GRIA2: variants seen among roughly 807,000 people sequenced by gnomAD.
GRIA2 encodes the protein glutamate receptor 2.
GRIA2 carries 14 observed loss-of-function variants against 97.3 expected under a neutral mutation model. The observed-to-expected ratio is 0.14, with a 90% CI of 0.10 to 0.23. The LOEUF is 0.23. Among genes scored for constraint, GRIA2 ranks in the 10% least tolerant of loss-of-function variants. GRIA2 has a pLI of 1.00. For synonymous variants in GRIA2, 412 were observed against 387.8 expected (o/e 1.06, Z -0.73); for missense variants, 558 against 1,069.8 (o/e 0.52, Z 6.67).
At chr4:157,283,073 A>AT (rs1732680343) in intron 2 of GRIA2, among the ~76,000 whole-genome samples, 1 of 152,052 alleles carries the variant, frequency 6.6e-6, no homozygotes, top group Non-Finnish European at 1.5e-5. Flanking sequence ...TCTAGATGAT[A>AT]TTTTTTCAAA....
intron 3 of GRIA2, 87 bp from the exon 4 acceptor site, chr4:157,312,592 T>A: frequency 1.4e-6 from 1 of 723,854 alleles, no homozygotes. Flanking sequence ...ATATCTTCCT[T>A]AAAAATATAT....
rs1259705494 is a variant in GRIA2, at chr4:157,331,893, T to G, written c.883-926T>G. Among the ~76,000 whole-genome samples, 3 of 152,046 alleles carry G rather than the reference T, an allele frequency of 2.0e-5. 1 individual carries two copies. The highest frequency in any genetic ancestry group is 6.6e-5 in the Admixed American group (1 of 15,240). The stretch of plus-strand genomic sequence containing the variant: ...ATGCTGAGTACCTGTTTTGGATTGG[T>G]GATCAAGAATTTAGCATGTCACAAA... On this transcript the variant is annotated intron_variant, in intron 6 of 15. Coordinates refer to ENST00000264426, the MANE Select transcript of GRIA2 (RefSeq NM_001083619.3).
intron 3 of GRIA2, among the ~76,000 whole-genome samples, chr4:157,309,450 C>T (rs1379139541): frequency 6.7e-6 from 1 of 149,796 alleles, no homozygotes; most frequent in African/African-American, 2.5e-5. Context: ...CTCCCAGCTT[C>T]AAGGAATTCT....
At chr4:157,308,164 A>G (rs1409338914) in intron 3 of GRIA2, among the ~76,000 whole-genome samples, 1 of 152,226 alleles carries the variant, frequency 6.6e-6, no homozygotes, top group African/African-American at 2.4e-5. Flanking sequence ...GGGTTTGCAT[A>G]CAGACAGGTG....
At chr4:157,312,335 T>C (rs2126884993) in intron 3 of GRIA2, among the ~76,000 whole-genome samples, 1 of 152,226 alleles carries the variant, frequency 6.6e-6, no homozygotes, top group South Asian at 2.1e-4. Flanking sequence ...TAAGAAATGT[T>C]TGTGATGCCA....
intron 4 of GRIA2, among the ~76,000 whole-genome samples, chr4:157,313,412 A>T (rs934188502): frequency 6.6e-6 from 1 of 152,144 alleles, no homozygotes; most frequent in African/African-American, 2.4e-5. Context: ...TAGGAAGGAC[A>T]CATTTGGGCT....
intron 2 of GRIA2, among the ~76,000 whole-genome samples, chr4:157,257,125 G>A (rs1731314205): frequency 6.6e-6 from 1 of 152,022 alleles, no homozygotes; most frequent in Admixed American, 6.6e-5. Flanking sequence ...ACAAGAAATT[G>A]TCAGATAAAA....
rs1736639283 is a variant in GRIA2, at chr4:157,361,717, A to G, written c.2406+593A>G. ...ACACAAACAGCAAAATCAAACCACA[A>G]GTGTGTTAGTGGGAATGACCCATCT... On this transcript the variant is annotated intron_variant, in intron 14 of 15. Transcript: ENST00000264426. This position sits in a 1 kb window ranked among gnomAD's most constrained non-coding sequence, Gnocchi z 5.2. 2 of 1,070,380 alleles carry G rather than the reference A, an allele frequency of 1.9e-6. No homozygotes were observed. The highest frequency in any genetic ancestry group is 4.8e-5 in the East Asian group (2 of 41,610). 66.3% of individuals were successfully genotyped at this position (1,070,380 alleles called of 1,614,324 possible).
chr4:157,229,855 C>G (rs1413079707), intron 2 of GRIA2, among the ~76,000 whole-genome samples: 8 of 152,070 alleles, frequency 5.3e-5, no homozygotes, highest in Admixed American at 1.3e-4. Flanking sequence ...TTATAGTCCT[C>G]TAATACTTTC....
intron 2 of GRIA2, among the ~76,000 whole-genome samples, chr4:157,298,763 T>G (rs1432998492): frequency 2.0e-5 from 3 of 151,962 alleles, no homozygotes; most frequent in Non-Finnish European, 2.9e-5. Context: ...CTCATCCTCT[T>G]TGTTGTGCAT....
intron 2 of GRIA2, among the ~76,000 whole-genome samples, chr4:157,251,869 T>C (rs980018598): frequency 1.4e-4 from 22 of 152,280 alleles, no homozygotes; most frequent in African/African-American, 5.1e-4. Flanking sequence ...AGTCTGGTAA[T>C]TCTCAAAGTG....
At chr4:157,334,382 A>G (rs1735193521) in intron 9 of GRIA2, 2 of 346,414 alleles carry the variant, frequency 5.8e-6, no homozygotes, top group African/African-American at 4.2e-5. Context: ...ACAATTGGGG[A>G]ATGTCTTGAA....
chr4:157,293,569 G>A (rs1356938407), intron 2 of GRIA2, among the ~76,000 whole-genome samples: 1 of 152,116 alleles, frequency 6.6e-6, no homozygotes, highest in African/African-American at 2.4e-5. Flanking sequence ...TTGCTTCTGG[G>A]AAGAATAGTA....
intron 2 of GRIA2, among the ~76,000 whole-genome samples, chr4:157,269,854 T>A (rs1022926709): frequency 6.6e-5 from 10 of 152,236 alleles, no homozygotes; most frequent in South Asian, 2.1e-4. Flanking sequence ...TTTAGGTATC[T>A]TTTTTACTAA....
At position 157,312,773 on chromosome 4, in the gene GRIA2, A is replaced by G. The variant is rs1734138820; in HGVS notation, c.564A>G (p.Lys188=). 4 of 1,610,086 alleles carry G rather than the reference A, an allele frequency of 2.5e-6. No homozygotes were observed. Among genetic ancestry groups the G allele is most frequent in the Admixed American group, 1.7e-5 (1 of 59,914 alleles). ...INVGNINNDK[K]DEMYRSLFQD... is the part of the protein sequence containing the mutation. ...TGGGAAACATTAACAATGACAAGAA[A>G]GATGAGATGTACCGATCACTTTTTC... is the stretch of plus-strand genomic sequence containing the variant. Residue 188 remains lysine, a synonymous_variant, in exon 4 of 16, where the codon AAA becomes AAG. Coordinates refer to ENST00000264426, the MANE Select transcript of GRIA2 (RefSeq NM_001083619.3).
intron 2 of GRIA2, among the ~76,000 whole-genome samples, chr4:157,276,935 AG>A (rs1732344535): frequency 6.6e-6 from 1 of 151,974 alleles, no homozygotes; most frequent in Admixed American, 6.6e-5. Flanking sequence ...TTTCTGAAAA[AG>A]AAAGCACCAG....
chr4:157,317,652 T>C lies in GRIA2; in HGVS notation c.667-6T>C, dbSNP rs1218633212. The C allele has an allele frequency of 4.8e-6, 5 of 1,047,096 alleles. No homozygotes were observed. Among genetic ancestry groups the C allele is most frequent in the Non-Finnish European group, 5.9e-6 (4 of 679,038 alleles). The allele number at this position is 1,047,096 out of a possible 1,614,324, so 64.9% of individuals were successfully genotyped here. On this transcript the variant is annotated splice_polypyrimidine_tract_variant and splice_region_variant and intron_variant, in intron 4 of 15. Coordinates refer to ENST00000264426, the MANE Select transcript of GRIA2 (RefSeq NM_001083619.3). ...AATTAAATAATTACTTATTTGTGCT[T>C]ATTAGGTTATTACCATTGGAAAACA...
At chr4:157,308,528 CT>C (rs1417064652) in intron 3 of GRIA2, among the ~76,000 whole-genome samples, 3 of 152,088 alleles carry the variant, frequency 2.0e-5, no homozygotes, top group Non-Finnish European at 2.9e-5. Context: ...AGATGATCAA[CT>C]ATGTATCTCA....
At position 157,355,967 on chromosome 4, in the gene GRIA2, A is replaced by AT. The variant is rs1442350372; in HGVS notation, c.2044-3927dup. On this transcript the variant is annotated intron_variant, in intron 12 of 15. Transcript: ENST00000264426. The stretch of plus-strand genomic sequence containing the variant: ...AATATATATTTATATATTTATGTAT[A>AT]TTAATATATATATTTATATATTTAT... 1.2e-4 allele frequency among the ~76,000 whole-genome samples: 6 copies of AT among 48,898 alleles called. 1 individual carries two copies. Among genetic ancestry groups the AT allele is most frequent in the Admixed American group, 4.3e-4 (1 of 2,318 alleles). 32.1% of individuals were successfully genotyped at this position (48,898 alleles called of 152,430 possible).
Sources: gnomAD v4.1 joint callset for allele counts (sites outside exome capture counted in the v4.1 genomes callset) on GRCh38, gnomAD v4.1.1 for gene constraint, Gnocchi (gnomAD v3.1) non-coding constraint, MANE v1.5 for transcripts, NCBI Gene and HGNC (gene_info 2026-07-23, HGNC 2026-07-21) for gene names.